CLEC4D: variants seen among roughly 807,000 people sequenced by gnomAD.
The protein encoded by CLEC4D is C-type lectin domain family 4 member D.
In CLEC4D, 21 loss-of-function variants were observed where a neutral mutation model predicts 21.1. The ratio of observed to expected loss-of-function variants is 1.00; its 90% CI spans 0.71 to 1.43. The LOEUF is 1.43. Ranked by LOEUF, CLEC4D falls within the 40% of genes most tolerant of loss-of-function variation. The probability of loss-of-function intolerance (pLI) is 0.00; values close to 1 mark genes in which losing one functional copy is unlikely to be tolerated. For synonymous variants in CLEC4D, 85 were observed against 83.1 expected (o/e 1.02, Z -0.12); for missense variants, 289 against 260.7 (o/e 1.11, Z -0.75).
intron 2 of CLEC4D, among the ~76,000 whole-genome samples, chr12:8,515,933 G>A (rs1370959361): frequency 6.6e-6 from 1 of 151,918 alleles, no homozygotes; most frequent in African/African-American, 2.4e-5. Flanking sequence ...TAGACTAGAG[G>A]AAAATAAAGG....
intron 4 of CLEC4D, among the ~76,000 whole-genome samples, chr12:8,519,444 AGATC>A: frequency 6.6e-6 from 1 of 152,108 alleles, no homozygotes; most frequent in Admixed American, 6.5e-5. Context: ...GTGCACAACG[AGATC>A]ATGGCATTTA....
chr12:8,515,223 C>G lies in CLEC4D; in HGVS notation c.29-13C>G, dbSNP rs777028224. On this transcript the variant is annotated splice_polypyrimidine_tract_variant and intron_variant, in intron 1 of 5. Coordinates refer to ENST00000299665, the MANE Select transcript of CLEC4D (RefSeq NM_080387.5). Reference sequence around the variant, plus strand: ...TGAGAGGAGGTTAATCTCTATTTTTCTTTTGGTCCTAGTGGAAGGAGGCAT... The same window carrying G: ...TGAGAGGAGGTTAATCTCTATTTTTGTTTTGGTCCTAGTGGAAGGAGGCAT... The G allele has an allele frequency of 5.8e-6, 7 of 1,210,844 alleles. No individual in the cohort carries two copies. Among genetic ancestry groups the G allele is most frequent in the Non-Finnish European group, 8.6e-6 (7 of 812,386 alleles). 75.0% of individuals were successfully genotyped at this position (1,210,844 alleles called of 1,614,324 possible).
chr12:8,520,203 T>C lies in CLEC4D; in HGVS notation c.385-23T>C, dbSNP rs374017019. ...CCATCACCTGATTCATGCAACTATA[T>C]TAAAATTTACATTTTTATGCAGAAC... On this transcript the variant is annotated intron_variant, in intron 4 of 5. Transcript: ENST00000299665. 6.8e-6 allele frequency: 11 copies of C among 1,612,116 alleles called. No homozygotes were observed. In the South Asian group the frequency reaches 9.9e-5, roughly 15 times the overall value.
chr12:8,516,631 A>T (rs571643051), intron 2 of CLEC4D, among the ~76,000 whole-genome samples: 7 of 152,208 alleles, frequency 4.6e-5, no homozygotes, highest in Non-Finnish European at 8.8e-5. Flanking sequence ...GAGCAAATGG[A>T]CCTCTAGTGA....
chr12:8,529,346 G>C, the CLEC4D span, among the ~76,000 whole-genome samples: 3 of 152,306 alleles, frequency 2.0e-5, no homozygotes, highest in East Asian at 5.8e-4. Context: ...CCTGTATGGT[G>C]GCTCAAGCTT....
At chr12:8,520,058 A>G (rs1940438330) in intron 4 of CLEC4D, among the ~76,000 whole-genome samples, 168 bp from the exon 5 acceptor site, 1 of 152,238 alleles carries the variant, frequency 6.6e-6, no homozygotes, top group African/African-American at 2.4e-5. Context: ...GGGGTTTGGT[A>G]AGATTGAAGC....
At chr12:8,526,921 T>G (rs1940511405), downstream of CLEC4D, among the ~76,000 whole-genome samples, 1 of 152,082 alleles carries the variant, frequency 6.6e-6, no homozygotes, top group East Asian at 1.9e-4. Flanking sequence ...CACTTTCTGG[T>G]TTTTTTTCTT....
chr12:8,530,417 A>C, the CLEC4D span, among the ~76,000 whole-genome samples: 1 of 145,220 alleles, frequency 6.9e-6, no homozygotes, highest in Non-Finnish European at 1.5e-5. Flanking sequence ...CAAAAATGTG[A>C]GTTGCATATG....
chr12:8,524,050 G>A (rs1362501530), downstream of CLEC4D, among the ~76,000 whole-genome samples: 1 of 152,112 alleles, frequency 6.6e-6, no homozygotes, highest in Non-Finnish European at 1.5e-5. Context: ...GGATGAAGCT[G>A]ACTTGATTGT....
chr12:8,517,675 G>C lies in CLEC4D; in HGVS notation c.122-489G>C, dbSNP rs190059757. 1.8e-4 allele frequency among the ~76,000 whole-genome samples: 28 copies of C among 152,236 alleles called. No individual in the cohort carries two copies. The South Asian group carries it at 5.8e-3, about 32-fold the overall frequency. On this transcript the variant is annotated intron_variant, in intron 2 of 5. Coordinates refer to ENST00000299665, the MANE Select transcript of CLEC4D (RefSeq NM_080387.5). The stretch of plus-strand genomic sequence containing the variant: ...GTAAAGAACAAAACGGGCCGGACGC[G>C]GTGGCTCACGCCTGTAATCCCAGCA...
intron 2 of CLEC4D, among the ~76,000 whole-genome samples, chr12:8,516,529 T>G (rs770630058): frequency 6.6e-6 from 1 of 152,114 alleles, no homozygotes; most frequent in Non-Finnish European, 1.5e-5. Flanking sequence ...ATCAGGGAAA[T>G]GCAAATGCAA....
downstream of CLEC4D, among the ~76,000 whole-genome samples, chr12:8,525,395 C>T (rs1467395282): frequency 6.6e-6 from 1 of 152,188 alleles, no homozygotes; most frequent in Non-Finnish European, 1.5e-5. Context: ...GTATTGGGTG[C>T]ATATACATTT....
At chr12:8,523,559 C>G (rs1353604514), downstream of CLEC4D, among the ~76,000 whole-genome samples, 3 of 152,148 alleles carry the variant, frequency 2.0e-5, no homozygotes, top group Admixed American at 6.5e-5. Flanking sequence ...TATCCTGAGA[C>G]TTTGGTGAAG....
chr12:8,521,157 G>A lies in CLEC4D; in HGVS notation c.534G>A (p.Gln178=), dbSNP rs765220581. ...FWHKNEPDNS[Q]GENCVVLVYN... ...ATAAGAATGAACCCGACAACTCTCAGGGAGAAAACTGTGTTGTTCTTGTTT... is the reference window on the plus strand; with the variant it reads ...ATAAGAATGAACCCGACAACTCTCAAGGAGAAAACTGTGTTGTTCTTGTTT... The change falls in exon 6 of 6, where the codon CAG becomes CAA. Residue 178 remains glutamine, a synonymous_variant. Coordinates refer to ENST00000299665, the MANE Select transcript of CLEC4D (RefSeq NM_080387.5). 6 of 1,613,486 alleles carry A rather than the reference G, an allele frequency of 3.7e-6. No individual in the cohort carries two copies. The Admixed American group carries it at 1.0e-4, about 27-fold the overall frequency.
At position 8,522,327 on chromosome 12, in the gene CLEC4D, C is replaced by G. The variant is rs1940468571; in HGVS notation, c.*1056C>G. 6.6e-6 allele frequency: 1 copy of G among 152,102 alleles called. No individual in the cohort carries two copies. Among genetic ancestry groups the G allele is most frequent in the Admixed American group, 6.5e-5 (1 of 15,272 alleles). 9.4% of individuals were successfully genotyped at this position (152,102 alleles called of 1,614,324 possible). A position where few individuals can be genotyped will look rare whatever the true frequency, so the allele number is the denominator to read the frequency against. On this transcript the variant is annotated 3_prime_UTR_variant, in exon 6 of 6. Transcript: ENST00000299665. ...TGAAACATTAATTGCAAAGGGCAGT[C>G]ACATCCAACTTTAATAAAATATGGT...
In CLEC4D at chr12:8,518,397, C is replaced by T. The variant is rs143359694; in HGVS notation, c.232+123C>T. ...ATAGCATAAGATGAGAATCTGGCAT[C>T]GGAGTAAATAAGAATACCTTAAGAT... On this transcript the variant is annotated intron_variant, in intron 3 of 5. Transcript: ENST00000299665. 1.9e-5 allele frequency: 11 copies of T among 575,444 alleles called. 1 individual carries two copies. The highest frequency in any genetic ancestry group is 1.1e-4 in the South Asian group (5 of 44,808). The allele number at this position is 575,444 out of a possible 1,614,324, so 35.6% of individuals were successfully genotyped here. A position where few individuals can be genotyped will look rare whatever the true frequency, so the allele number is the denominator to read the frequency against.
chr12:8,523,932 C>T (rs1244377077), downstream of CLEC4D, among the ~76,000 whole-genome samples: 1 of 152,058 alleles, frequency 6.6e-6, no homozygotes, highest in Non-Finnish European at 1.5e-5. Context: ...TCATCAAAGG[C>T]CTTTTCTGCG....
At chr12:8,530,560 T>C in the CLEC4D span, among the ~76,000 whole-genome samples, 1 of 151,942 alleles carries the variant, frequency 6.6e-6, no homozygotes, top group Non-Finnish European at 1.5e-5. Flanking sequence ...ATGTAATCCA[T>C]ATAAAATTCT....
chr12:8,518,440 C>T (rs1940413365), intron 3 of CLEC4D, among the ~76,000 whole-genome samples, 166 bp downstream of exon 3: 1 of 152,210 alleles, frequency 6.6e-6, no homozygotes, highest in Non-Finnish European at 1.5e-5. Flanking sequence ...TTTCTCATTA[C>T]TGTAATCCAG....
Sources: gnomAD v4.1 joint callset for allele counts (sites outside exome capture counted in the v4.1 genomes callset) on GRCh38, gnomAD v4.1.1 for gene constraint, MANE v1.5 for transcripts, NCBI Gene and HGNC (gene_info 2026-07-23, HGNC 2026-07-21) for gene names.